Variants in HEATR5A observed in about 807,000 individuals in gnomAD.
HEATR5A encodes the protein HEAT repeat containing 5A.
HEATR5A carries 178 observed loss-of-function variants against 218.8 expected under a neutral mutation model. The observed-to-expected ratio is 0.81, with a 90% confidence interval of 0.72 to 0.92. HEATR5A has a LOEUF of 0.92. HEATR5A is among the 40% of genes least tolerant of loss of function. The pLI is 0.00. For missense variants in HEATR5A, 2,420 were observed against 2,418.9 expected (o/e 1.00, Z -0.01); for synonymous variants, 864 against 871.6 (o/e 0.99, Z 0.15).
At chr14:31,375,199 C>A (rs1027497172) in intron 11 of HEATR5A, among the ~76,000 whole-genome samples, 1 of 152,144 alleles carries the variant, frequency 6.6e-6, no homozygotes. Context: ...GCTCTAGTAT[C>A]AGCTCCTCCA....
chr14:31,327,335 C>T (rs1414905170), intron 22 of HEATR5A, among the ~76,000 whole-genome samples: 1 of 139,864 alleles, frequency 7.1e-6, no homozygotes, highest in Non-Finnish European at 1.5e-5. Context: ...GCTCTGTTGC[C>T]CAGGCTGGAG....
intron 16 of HEATR5A, among the ~76,000 whole-genome samples, chr14:31,357,138 T>C (rs1901452216): frequency 1.3e-5 from 2 of 152,200 alleles, no homozygotes; most frequent in South Asian, 4.1e-4. Flanking sequence ...CTTATCACCA[T>C]AACCTTATAG....
chr14:31,402,958 G>C lies in HEATR5A; in HGVS notation c.18C>G (p.Ser6Arg). 1 of 1,535,894 alleles carries C rather than the reference G, an allele frequency of 6.5e-7. No homozygotes were observed. The highest frequency in any genetic ancestry group is 8.7e-7 in the Non-Finnish European group (1 of 1,146,732). MELAH[S>R]LLLNEEAYNQ... ...TGTATGCTTCTTCATTCAGCAGTAA[G>C]CTATGAGCTAATTCCATTCCTTGCA... Residue 6 changes from serine to arginine, a missense_variant, in exon 2 of 36, where the codon AGC (serine) becomes AGG (arginine). Ser to Arg is a moderately radical substitution (Grantham distance 110). Transcript: ENST00000543095.
chr14:31,381,170 C>G (rs2029965482), intron 10 of HEATR5A, among the ~76,000 whole-genome samples: 1 of 152,090 alleles, frequency 6.6e-6, no homozygotes, highest in African/African-American at 2.4e-5. Flanking sequence ...ATCGCTTGAA[C>G]CCAGGAGGCA....
chr14:31,361,955 TTTA>T (rs1164912704), intron 14 of HEATR5A, among the ~76,000 whole-genome samples: 1 of 151,424 alleles, frequency 6.6e-6, no homozygotes, highest in Non-Finnish European at 1.5e-5. Flanking sequence ...TATTTATTTA[TTTA>T]TTTATTTATT....
chr14:31,417,446 G>A (rs1035320014), intron 1 of HEATR5A, among the ~76,000 whole-genome samples: 1 of 152,128 alleles, frequency 6.6e-6, no homozygotes, highest in Non-Finnish European at 1.5e-5. Flanking sequence ...TTAGCCGGGC[G>A]TGGTGGCTAG....
At chr14:31,313,226 T>C (rs1899812901) in intron 27 of HEATR5A, 36 bp from the exon 28 acceptor site, 2 of 1,500,022 alleles carry the variant, frequency 1.3e-6, no homozygotes, top group Middle Eastern at 1.8e-4. Context: ...GAAAATCTTT[T>C]ATCTGCTGAA....
intron 13 of HEATR5A, among the ~76,000 whole-genome samples, chr14:31,368,210 A>C (rs1004177293): frequency 6.6e-6 from 1 of 152,114 alleles, no homozygotes; most frequent in African/African-American, 2.4e-5. Flanking sequence ...CAGATGAAGA[A>C]GGCACAGAGT....
intron 1 of HEATR5A, among the ~76,000 whole-genome samples, chr14:31,415,118 G>A (rs1018495892): frequency 6.6e-5 from 10 of 152,122 alleles, no homozygotes; most frequent in Admixed American, 3.9e-4. Context: ...GATTATAGGC[G>A]TGAGCCACCA....
chr14:31,333,179 G>A (rs1279142374), intron 22 of HEATR5A, among the ~76,000 whole-genome samples: 2 of 152,154 alleles, frequency 1.3e-5, no homozygotes, highest in Non-Finnish European at 2.9e-5. Flanking sequence ...AGATAAAGCA[G>A]CAAATCCTGA....
chr14:31,382,932 A>C (rs2030054972), intron 10 of HEATR5A, among the ~76,000 whole-genome samples: 1 of 151,578 alleles, frequency 6.6e-6, no homozygotes. Flanking sequence ...AGATATCCCA[A>C]GTTTATGTTG....
At chr14:31,357,342 G>T (rs1407796800) in intron 16 of HEATR5A, among the ~76,000 whole-genome samples, 1 of 152,174 alleles carries the variant, frequency 6.6e-6, no homozygotes, top group Non-Finnish European at 1.5e-5. Flanking sequence ...AGAGATAAAG[G>T]TAAATTGTCT....
chr14:31,326,286 C>T lies in HEATR5A; in HGVS notation c.3424G>A (p.Glu1142Lys). 1 of 1,613,398 alleles carries T rather than the reference C, an allele frequency of 6.2e-7. No individual in the cohort carries two copies. Among genetic ancestry groups the T allele is most frequent in the Non-Finnish European group, 8.5e-7 (1 of 1,179,490 alleles). ...EGALLILLDK[E>K]TDERLCHDIK... is the part of the protein sequence containing the mutation. ...TCATGGCATAATCTCTCATCTGTCT[C>T]CTTGTCTAGTAAGATCAACAATGCC... The change falls in exon 23 of 36, where the codon GAG becomes AAG. Residue 1142 changes from glutamate (E) to lysine (K), a missense_variant. Physicochemically the swap from Glu to Lys is moderately conservative, Grantham distance 56. Coordinates refer to ENST00000543095, the MANE Select transcript of HEATR5A (RefSeq NM_015473.4).
At chr14:31,353,819 AGATGGAGT>A (rs373038045) in intron 16 of HEATR5A, among the ~76,000 whole-genome samples, 40,879 of 150,992 alleles carry the variant, frequency 0.27, 6,768 homozygotes, top group Non-Finnish European at 0.38. Context: ...TTTTTTTTTG[AGATGGAGT>A]CTCGCTCTGT....
At chr14:31,338,663 T>C (rs1328835362) in intron 21 of HEATR5A, among the ~76,000 whole-genome samples, 1 of 152,188 alleles carries the variant, frequency 6.6e-6, no homozygotes, top group Non-Finnish European at 1.5e-5. Context: ...ATGGTAGTGA[T>C]CTTCAAAGCA....
intron 19 of HEATR5A, 140 bp from the exon 20 acceptor site, chr14:31,345,416 G>C: frequency 1.5e-6 from 1 of 653,720 alleles, no homozygotes; most frequent in East Asian, 2.9e-5. Context: ...AAGAGAAATG[G>C]AGGACTTCCA....
At chr14:31,328,495 A>C (rs1438993971) in intron 22 of HEATR5A, among the ~76,000 whole-genome samples, 1 of 152,126 alleles carries the variant, frequency 6.6e-6, no homozygotes, top group Non-Finnish European at 1.5e-5. Context: ...TGATTTTCTT[A>C]GGTGTGTGAT....
Position 31,302,475 on chromosome 14 carries a change from C to T in HEATR5A, c.5284G>A (p.Val1762Ile). 1 of 1,592,128 alleles carries T rather than the reference C, an allele frequency of 6.3e-7. No individual in the cohort carries two copies. Among genetic ancestry groups the T allele is most frequent in the South Asian group, 1.1e-5 (1 of 87,492 alleles). ...AACTTCACAGCAGTCTCTCTGAGGA[C>T]CCCGATTGTGAGGTACAATATAGTA... ...LPTILYLTIG[V>I]LRETAVKLPG... is the part of the protein sequence containing the mutation. The change falls in exon 33 of 36, where the codon GTC becomes ATC. Residue 1762 changes from valine to isoleucine, a missense_variant. Val to Ile is a conservative substitution (Grantham distance 29). Coordinates refer to ENST00000543095, the MANE Select transcript of HEATR5A (RefSeq NM_015473.4).
At position 31,374,796 on chromosome 14, in the gene HEATR5A, A is replaced by G. The variant is rs377220890; in HGVS notation, c.1861+20T>C. 2,550 of 1,592,592 alleles carry G rather than the reference A, an allele frequency of 1.6e-3. 53 individuals carry two copies. In the South Asian group the frequency reaches 0.028, roughly 17 times the overall value. ...TAAAAAGCCAAAGGAAAGGGAGAGA[A>G]AAGACTAAATCCAACCTACCACACA... On this transcript the variant is annotated intron_variant, in intron 12 of 35. Coordinates refer to ENST00000543095, the MANE Select transcript of HEATR5A (RefSeq NM_015473.4).
Sources: allele counts gnomAD v4.1 joint callset (sites outside exome capture counted in the v4.1 genomes callset), GRCh38; gene constraint gnomAD v4.1.1; transcripts MANE v1.5; gene names NCBI Gene and HGNC (gene_info 2026-07-23, HGNC 2026-07-21).